HHIP: variants seen among roughly 807,000 people sequenced by gnomAD.
HHIP encodes the protein hedgehog-interacting protein.
In HHIP, 12 loss-of-function variants were observed where a neutral mutation model predicts 74.0. The ratio of observed to expected loss-of-function variants is 0.16; its 90% CI spans 0.10 to 0.26. The LOEUF (loss-of-function observed/expected upper bound fraction) is 0.26. Ranked by LOEUF, HHIP falls within the 10% of genes least tolerant of loss-of-function variation. The pLI is 1.00. For missense variants in HHIP, 788 were observed against 845.0 expected (o/e 0.93, Z 0.84); for synonymous variants, 309 against 311.6 (o/e 0.99, Z 0.09).
In HHIP at chr4:144,659,845, T is replaced by C; in HGVS notation, c.831+7T>C. 1.9e-6 allele frequency: 3 copies of C among 1,602,924 alleles called. No homozygotes were observed. The highest frequency in any genetic ancestry group is 2.6e-6 in the Non-Finnish European group (3 of 1,171,586). ...TGTTCAAAGTGGAATAAAGGTTGGC[T>C]TTTTAAATTTTATTTATTTTTGTGC... On this transcript the variant is annotated splice_region_variant and intron_variant, in intron 4 of 12. Transcript: ENST00000296575.
At chr4:144,692,116 C>T (rs1236010816) in intron 4 of HHIP, among the ~76,000 whole-genome samples, 1 of 151,966 alleles carries the variant, frequency 6.6e-6, no homozygotes, top group Non-Finnish European at 1.5e-5. Flanking sequence ...GTACTAGTAA[C>T]TTTAAATTTT....
chr4:144,695,883 G>T (rs1460639252), intron 4 of HHIP, among the ~76,000 whole-genome samples: 2 of 151,808 alleles, frequency 1.3e-5, no homozygotes, highest in Non-Finnish European at 2.9e-5. Flanking sequence ...GTATAAATGT[G>T]CATGTCCATG....
intron 4 of HHIP, among the ~76,000 whole-genome samples, chr4:144,700,964 T>C (rs1337340791): frequency 5.3e-5 from 8 of 152,192 alleles, no homozygotes; most frequent in Non-Finnish European, 1.0e-4. Flanking sequence ...AGAGAAAGCA[T>C]AGATTTGCAT....
chr4:144,656,953 C>T (rs1369136915), intron 2 of HHIP, among the ~76,000 whole-genome samples: 3 of 152,000 alleles, frequency 2.0e-5, no homozygotes, highest in Non-Finnish European at 2.9e-5. Flanking sequence ...TTGCCCCTCC[C>T]GTGGAGCACT....
chr4:144,701,922 A>C (rs911085340), intron 4 of HHIP, among the ~76,000 whole-genome samples: 3 of 152,246 alleles, frequency 2.0e-5, no homozygotes, highest in Non-Finnish European at 4.4e-5. Flanking sequence ...CTGTAACCAC[A>C]TTAAAGTATG....
At chr4:144,659,047 C>A in intron 3 of HHIP, 101 bp downstream of exon 3, 1 of 896,650 alleles carries the variant, frequency 1.1e-6, no homozygotes, top group Non-Finnish European at 1.7e-6. Flanking sequence ...TGTTCAGCAG[C>A]TATATCCTCC....
chr4:144,684,941 C>T (rs1374479414), intron 4 of HHIP, among the ~76,000 whole-genome samples: 1 of 152,202 alleles, frequency 6.6e-6, no homozygotes, highest in African/African-American at 2.4e-5. Context: ...CTGATACTCT[C>T]TACCATTATC....
rs151189211 is a variant in HHIP, at chr4:144,736,259, C to T, written c.1909+1370C>T. Among the ~76,000 whole-genome samples the T allele has an allele frequency of 6.4e-3, 963 of 151,406 alleles. 7 individuals are homozygous for T. Among genetic ancestry groups the T allele is most frequent in the Non-Finnish European group, 0.01 (694 of 67,926 alleles). The stretch of plus-strand genomic sequence containing the variant: ...CAAGTGATTCTCCCGCCTCAGCTTC[C>T]CGAGTAGCTTGGATTATAGGCGCCC... On this transcript the variant is annotated intron_variant, in intron 12 of 12. Transcript: ENST00000296575.
rs201772534 is a variant in HHIP at position 144,738,632 on chromosome 4, G to A, written c.*675G>A. On this transcript the variant is annotated 3_prime_UTR_variant, in exon 13 of 13. Transcript: ENST00000296575. ...ATTTTAAAATCAATCTTCCTAAAAG[G>A]TCTGCTTTTATTGTATATTTTATTT... The A allele has an allele frequency of 2.6e-5, 18 of 686,616 alleles. No individual in the cohort carries two copies. Among genetic ancestry groups the A allele is most frequent in the South Asian group, 6.6e-5 (1 of 15,184 alleles). 42.5% of individuals were successfully genotyped at this position (686,616 alleles called of 1,614,324 possible).
intron 4 of HHIP, among the ~76,000 whole-genome samples, chr4:144,672,549 G>C (rs74322272): frequency 0.032 from 4,796 of 152,204 alleles, 86 homozygotes; most frequent in South Asian, 0.041. Flanking sequence ...GAGCATCTGT[G>C]TGTTGGTGGG....
At position 144,740,020 on chromosome 4, in the gene HHIP, T is replaced by C. The variant is rs1023318090; in HGVS notation, c.*2063T>C. The C allele has an allele frequency of 1.3e-5, 2 of 152,188 alleles. No homozygotes were observed. Among genetic ancestry groups the C allele is most frequent in the Non-Finnish European group, 2.9e-5 (2 of 68,026 alleles). 9.4% of individuals were successfully genotyped at this position (152,188 alleles called of 1,614,324 possible). A position where few individuals can be genotyped will look rare whatever the true frequency, so the allele number is the denominator to read the frequency against. ...ATGTCCTGACAACCATTTTTGTAAA[T>C]GGACCTTACCATCTAATTGTCCCTT... On this transcript the variant is annotated 3_prime_UTR_variant, in exon 13 of 13. Transcript: ENST00000296575.
In HHIP at chr4:144,646,563, G is replaced by C. The variant is rs1223177515; in HGVS notation, c.-113G>C. 1 of 1,045,742 alleles carries C rather than the reference G, an allele frequency of 9.6e-7. No individual in the cohort carries two copies. Among genetic ancestry groups the C allele is most frequent in the Non-Finnish European group, 1.4e-6 (1 of 711,390 alleles). The allele number at this position is 1,045,742 out of a possible 1,614,324, so 64.8% of individuals were successfully genotyped here. ...TCCCCGCCACCTCCCTCTGTCTCTG[G>C]AGTGCCCTACAGCCCCGCAAACTCC... On this transcript the variant is annotated 5_prime_UTR_variant, in exon 1 of 13. Transcript: ENST00000296575.
At chr4:144,734,268 A>G (rs1318001222) in intron 11 of HHIP, among the ~76,000 whole-genome samples, 2 of 151,970 alleles carry the variant, frequency 1.3e-5, no homozygotes, top group South Asian at 4.1e-4. Context: ...AAAGCTTTTC[A>G]GGCTACAAGT....
intron 2 of HHIP, among the ~76,000 whole-genome samples, chr4:144,653,291 T>G (rs754662024): frequency 6.6e-6 from 1 of 152,158 alleles, no homozygotes; most frequent in Non-Finnish European, 1.5e-5. Flanking sequence ...ATGACTAATT[T>G]TCTCCTCAAA....
chr4:144,659,708 A>G lies in HHIP; in HGVS notation c.701A>G (p.His234Arg), dbSNP rs747911105. The G allele has an allele frequency of 1.2e-6, 2 of 1,608,426 alleles. No individual in the cohort carries two copies. The highest frequency in any genetic ancestry group is 1.1e-5 in the South Asian group (1 of 89,638). Residue 234 changes from histidine (H) to arginine (R), a missense_variant, in exon 4 of 13, where the codon CAT becomes CGT. Transcript: ENST00000296575. ...SGLRQPVGALHSGDGSQRLFI... is the reference protein window; with the variant it reads ...SGLRQPVGALRSGDGSQRLFI... Reference sequence around the variant, plus strand: ...CTGCGGCAGCCCGTTGGTGCCCTGCATAGTGGGGATGGCTCGCAACGTCTC... The same window carrying G: ...CTGCGGCAGCCCGTTGGTGCCCTGCGTAGTGGGGATGGCTCGCAACGTCTC...
At chr4:144,696,817 A>G (rs943382738) in intron 4 of HHIP, among the ~76,000 whole-genome samples, 26 of 151,958 alleles carry the variant, frequency 1.7e-4, no homozygotes, top group African/African-American at 5.1e-4. Context: ...GTCACGCAGT[A>G]AGAACTCAGT....
chr4:144,651,213 C>A (rs1317837035), intron 1 of HHIP, among the ~76,000 whole-genome samples: 5 of 151,990 alleles, frequency 3.3e-5, no homozygotes, highest in Non-Finnish European at 1.5e-5. Flanking sequence ...AAATTTTATC[C>A]ATTTAAGCAA....
At chr4:144,712,991 G>T (rs940722548) in intron 8 of HHIP, among the ~76,000 whole-genome samples, 3 of 151,076 alleles carry the variant, frequency 2.0e-5, no homozygotes, top group African/African-American at 7.3e-5. Flanking sequence ...TAGCTCGATG[G>T]AATTTTGGCT....
At chr4:144,712,907 T>TGTGC (rs1387798222) in intron 8 of HHIP, among the ~76,000 whole-genome samples, 2 of 149,868 alleles carry the variant, frequency 1.3e-5, no homozygotes, top group Non-Finnish European at 3.0e-5. Flanking sequence ...TGTGTGTGTG[T>TGTGC]GCACGCGCAT....
Sources: allele counts gnomAD v4.1 joint callset (sites outside exome capture counted in the v4.1 genomes callset), GRCh38; gene constraint gnomAD v4.1.1; transcripts MANE v1.5; gene names NCBI Gene and HGNC (gene_info 2026-07-23, HGNC 2026-07-21).